METTL15: variants seen among roughly 807,000 people sequenced by gnomAD.
The protein encoded by METTL15 is 12S rRNA N(4)-cytidine methyltransferase METTL15.
METTL15 carries 34 observed loss-of-function variants against 38.3 expected under a neutral mutation model. That is an observed-to-expected ratio of 0.89 (90% CI 0.68 to 1.18). METTL15 has a LOEUF of 1.18. Ranked by LOEUF, METTL15 falls within the 50% of genes most tolerant of loss-of-function variation. METTL15 has a pLI of 0.00. For missense variants in METTL15, 438 were observed against 498.4 expected (o/e 0.88, Z 1.15); for synonymous variants, 162 against 170.9 (o/e 0.95, Z 0.41).
intron 6 of METTL15, among the ~76,000 whole-genome samples, chr11:28,472,597 A>G (rs1028973362): frequency 1.3e-5 from 2 of 152,172 alleles, no homozygotes; most frequent in South Asian, 4.1e-4. Flanking sequence ...TGGACTTTAT[A>G]TCAATCTGTA....
chr11:28,501,661 G>C (rs952580044), intron 6 of METTL15, among the ~76,000 whole-genome samples: 1 of 152,174 alleles, frequency 6.6e-6, no homozygotes, highest in Non-Finnish European at 1.5e-5. Flanking sequence ...AGTTTTGCCA[G>C]CTGCAAACTT....
chr11:28,212,243 G>A (rs1002014795), intron 4 of METTL15, among the ~76,000 whole-genome samples: 1 of 151,920 alleles, frequency 6.6e-6, no homozygotes, highest in African/African-American at 2.4e-5. Flanking sequence ...CAAGATCATA[G>A]GATTTATGGA....
intron 4 of METTL15, among the ~76,000 whole-genome samples, chr11:28,219,761 T>A (rs985234314): frequency 1.6e-4 from 25 of 152,210 alleles, no homozygotes; most frequent in African/African-American, 6.0e-4. Flanking sequence ...GTATGTTGTT[T>A]CTTTGTTCTC....
intron 6 of METTL15, among the ~76,000 whole-genome samples, chr11:28,455,679 T>G (rs1851162069): frequency 6.6e-6 from 1 of 152,166 alleles, no homozygotes; most frequent in African/African-American, 2.4e-5. Flanking sequence ...CTAGTCATGG[T>G]GATACTGCAT....
intron 6 of METTL15, among the ~76,000 whole-genome samples, chr11:28,458,863 G>A (rs873756): frequency 3.9e-5 from 6 of 152,016 alleles, no homozygotes; most frequent in African/African-American, 9.7e-5. Context: ...GAAGAATGTC[G>A]ATTGGTAGAA....
intron 4 of METTL15, among the ~76,000 whole-genome samples, chr11:28,229,784 T>C (rs1853617769): frequency 6.6e-6 from 1 of 152,038 alleles, no homozygotes; most frequent in Admixed American, 6.6e-5. Flanking sequence ...CTAAATGGAC[T>C]GAGACAGCGT....
chr11:28,203,359 T>C (rs1852186787), intron 3 of METTL15, among the ~76,000 whole-genome samples: 1 of 152,088 alleles, frequency 6.6e-6, no homozygotes, highest in South Asian at 2.1e-4. Context: ...GAGACTTAAT[T>C]AGCAGGTTTG....
At chr11:28,452,712 G>A (rs1354319184) in intron 6 of METTL15, among the ~76,000 whole-genome samples, 1 of 152,142 alleles carries the variant, frequency 6.6e-6, no homozygotes, top group South Asian at 2.1e-4. Flanking sequence ...AGACAGTGAG[G>A]GATAGTTCAT....
At chr11:28,208,607 C>T (rs1852475231) in intron 3 of METTL15, among the ~76,000 whole-genome samples, 1 of 152,084 alleles carries the variant, frequency 6.6e-6, no homozygotes, top group South Asian at 2.1e-4. Flanking sequence ...GTGGAGAGTT[C>T]TGTAGATGTC....
chr11:28,480,997 G>A (rs200989673), intron 6 of METTL15, among the ~76,000 whole-genome samples: 2 of 152,096 alleles, frequency 1.3e-5, no homozygotes, highest in Admixed American at 6.5e-5. Flanking sequence ...TAATGTTTAG[G>A]CAGGAAGAAG....
rs1554924307 is a variant in METTL15 at position 28,429,385 on chromosome 11, C to CTCCCTCTCCCTCTCCCTA, written c.*424+5031_*424+5032insTCTCCCTATCCCTCTCCC. Among the ~76,000 whole-genome samples the CTCCCTCTCCCTCTCCCTA allele has an allele frequency of 3.2e-3, 410 of 126,454 alleles. 4 individuals carry two copies. Among genetic ancestry groups the CTCCCTCTCCCTCTCCCTA allele is most frequent in the Middle Eastern group, 9.0e-3 (2 of 222 alleles). 83.0% of individuals were successfully genotyped at this position (126,454 alleles called of 152,430 possible). A position where few individuals can be genotyped will look rare whatever the true frequency, so the allele number is the denominator to read the frequency against. On this transcript the variant is annotated intron_variant and NMD_transcript_variant, in intron 6 of 7. Coordinates refer to the METTL15 transcript ENST00000532947. ...TCTCCCTCTCCCTCTCCCTCTCCCT[C>CTCCCTCTCCCTCTCCCTA]TCCCTCTCCCCACGGTCTCCCTCTC... is the stretch of plus-strand genomic sequence containing the variant.
At chr11:28,199,515 C>G (rs183372803) in intron 3 of METTL15, among the ~76,000 whole-genome samples, 1 of 152,146 alleles carries the variant, frequency 6.6e-6, no homozygotes, top group African/African-American at 2.4e-5. Context: ...TTTTAACGCT[C>G]TTAATTTTTT....
chr11:28,421,322 T>C (rs1379344980), intron 5 of METTL15, among the ~76,000 whole-genome samples: 1 of 151,916 alleles, frequency 6.6e-6, no homozygotes, highest in African/African-American at 2.4e-5. Flanking sequence ...CAAACTATTA[T>C]GAAAAATAGA....
chr11:28,230,465 A>G (rs1478578982), intron 4 of METTL15, among the ~76,000 whole-genome samples: 2 of 151,990 alleles, frequency 1.3e-5, no homozygotes, highest in Non-Finnish European at 2.9e-5. Flanking sequence ...ACATATCCAT[A>G]TGGTACAGGA....
intron 6 of METTL15, among the ~76,000 whole-genome samples, chr11:28,316,689 G>A (rs770380352): frequency 5.9e-5 from 9 of 152,182 alleles, no homozygotes; most frequent in Non-Finnish European, 1.2e-4. Flanking sequence ...TCAATGTGTT[G>A]TGGGAAGGAC....
chr11:28,430,036 C>T (rs1051085236), intron 6 of METTL15, among the ~76,000 whole-genome samples: 1 of 144,696 alleles, frequency 6.9e-6, no homozygotes, highest in Non-Finnish European at 1.5e-5. Flanking sequence ...AGGAGCGCCT[C>T]TGCCCGGCCG....
At chr11:28,499,634 C>T (rs893226384) in intron 6 of METTL15, among the ~76,000 whole-genome samples, 1 of 152,134 alleles carries the variant, frequency 6.6e-6, no homozygotes, top group Non-Finnish European at 1.5e-5. Flanking sequence ...AAAAATATTT[C>T]TGAGAGTGAC....
At chr11:28,351,341 G>C (rs1337149163) in intron 3 of METTL15, among the ~76,000 whole-genome samples, 1 of 152,062 alleles carries the variant, frequency 6.6e-6, no homozygotes, top group Non-Finnish European at 1.5e-5. Context: ...AAACTCCTGA[G>C]CTCAGGCAAT....
intron 4 of METTL15, among the ~76,000 whole-genome samples, chr11:28,279,544 A>G (rs962003926): frequency 2.0e-5 from 3 of 152,080 alleles, no homozygotes; most frequent in African/African-American, 2.4e-5. Flanking sequence ...TATTTGTTAT[A>G]CATTATTTTA....
Sources: allele counts gnomAD v4.1 joint callset (sites outside exome capture counted in the v4.1 genomes callset), GRCh38; gene constraint gnomAD v4.1.1; transcripts MANE v1.5; gene names NCBI Gene and HGNC (gene_info 2026-07-23, HGNC 2026-07-21).